UNC13C: variants seen among roughly 807,000 people sequenced by gnomAD.
The protein encoded by UNC13C is protein unc-13 homolog C.
In UNC13C, 174 loss-of-function variants were observed where a neutral mutation model predicts 245.4. That is an observed-to-expected ratio of 0.71 (90% CI 0.63 to 0.80). The LOEUF (loss-of-function observed/expected upper bound fraction) is 0.80, where lower values mean the gene tolerates loss of function less well. Ranked by LOEUF, UNC13C falls within the 30% of genes least tolerant of loss-of-function variation. UNC13C has a pLI of 0.00. For missense variants in UNC13C, 2,829 were observed against 2,602.9 expected (o/e 1.09, Z -1.89); for synonymous variants, 992 against 895.1 (o/e 1.11, Z -1.93).
At chr15:54,446,415 C>T (rs888901599) in intron 19 of UNC13C, among the ~76,000 whole-genome samples, 2 of 152,162 alleles carry the variant, frequency 1.3e-5, no homozygotes, top group African/African-American at 4.8e-5. Flanking sequence ...ATTGATTCTT[C>T]CTATCCATGA....
intron 30 of UNC13C, among the ~76,000 whole-genome samples, chr15:54,613,042 A>G (rs2414330): frequency 0.056 from 8,456 of 151,992 alleles, 803 homozygotes; most frequent in African/African-American, 0.19. Context: ...TTGTCTCTCA[A>G]GAACAAGAGA....
chr15:54,579,027 C>G (rs1898085989), intron 30 of UNC13C, among the ~76,000 whole-genome samples: 2 of 152,068 alleles, frequency 1.3e-5, no homozygotes, highest in South Asian at 4.1e-4. Flanking sequence ...GTTCCAGCCT[C>G]CAGTAAAAAT....
the UNC13C span, among the ~76,000 whole-genome samples, chr15:53,951,294 A>G: frequency 3.9e-5 from 6 of 152,176 alleles, no homozygotes; most frequent in African/African-American, 1.4e-4. Context: ...AACTTGACTC[A>G]TTTCAACATT....
intron 2 of UNC13C, among the ~76,000 whole-genome samples, chr15:54,081,143 TA>T: frequency 6.6e-6 from 1 of 152,258 alleles, no homozygotes; most frequent in South Asian, 2.1e-4. Flanking sequence ...TATTAATTTT[TA>T]AATTTTGTTT....
chr15:53,994,903 T>A (rs549228456), intron 1 of UNC13C, among the ~76,000 whole-genome samples: 1 of 152,018 alleles, frequency 6.6e-6, no homozygotes, highest in South Asian at 2.1e-4. Flanking sequence ...GCTCTGGGAA[T>A]GGAAAAGAGG....
Position 54,627,393 on chromosome 15 carries a change from A to ATAAT in UNC13C, c.*282_*285dup, listed in dbSNP as rs1901252473. 4.1e-6 allele frequency: 1 copy of ATAAT among 243,622 alleles called. No individual in the cohort carries two copies. Among genetic ancestry groups the ATAAT allele is most frequent in the Non-Finnish European group, 7.9e-6 (1 of 125,998 alleles). The allele number at this position is 243,622 out of a possible 1,614,324, so 15.1% of individuals were successfully genotyped here. Reference sequence around the variant, plus strand: ...TTTACCCATTTCACATTCATTAAACATAATTTTTAAAAACTAGTCTTTTGA... The same window carrying ATAAT: ...TTTACCCATTTCACATTCATTAAACATAATTAATTTTTAAAAACTAGTCTTTTGA... On this transcript the variant is annotated 3_prime_UTR_variant, in exon 33 of 33. Coordinates refer to ENST00000260323, the MANE Select transcript of UNC13C (RefSeq NM_001080534.3).
At chr15:54,524,799 T>C (rs935083817) in intron 24 of UNC13C, among the ~76,000 whole-genome samples, 3 of 152,206 alleles carry the variant, frequency 2.0e-5, no homozygotes, top group Admixed American at 2.0e-4. Flanking sequence ...CAATAGTAGA[T>C]CAGCTTGGGC....
At chr15:54,317,433 G>A (rs532650006) in intron 13 of UNC13C, among the ~76,000 whole-genome samples, 1 of 151,748 alleles carries the variant, frequency 6.6e-6, no homozygotes, top group East Asian at 2.0e-4. Context: ...AGTTTCTTAG[G>A]GTATTTTTAT....
chr15:54,417,160 C>T (rs995232061), intron 19 of UNC13C: 8 of 350,758 alleles, frequency 2.3e-5, no homozygotes, highest in Non-Finnish European at 4.5e-5. Context: ...ATGACTTTTA[C>T]CAACATATCT....
intron 11 of UNC13C, among the ~76,000 whole-genome samples, chr15:54,296,497 C>T (rs1322642998): frequency 1.3e-5 from 2 of 151,634 alleles, no homozygotes; most frequent in East Asian, 3.9e-4. Context: ...GGATTACAGG[C>T]GTGAGCCATC....
chr15:54,043,172 G>A (rs1003733820), intron 2 of UNC13C, among the ~76,000 whole-genome samples: 1 of 151,982 alleles, frequency 6.6e-6, no homozygotes, highest in African/African-American at 2.4e-5. Context: ...TTCACAAAGT[G>A]GCTAAAATAA....
At chr15:54,118,903 T>G (rs951423827) in intron 2 of UNC13C, among the ~76,000 whole-genome samples, 5 of 128,318 alleles carry the variant, frequency 3.9e-5, no homozygotes, top group Admixed American at 1.5e-4. Flanking sequence ...GATCTTACGG[T>G]TTTTTTTTTT....
At position 54,331,627 on chromosome 15, in the gene UNC13C, A is replaced by G. The variant is rs75041405; in HGVS notation, c.4426-416A>G. On this transcript the variant is annotated intron_variant, in intron 14 of 32. Coordinates refer to ENST00000260323, the MANE Select transcript of UNC13C (RefSeq NM_001080534.3). ...GTAGAAGTGTAAAAAACTGTAATAT[A>G]TTGTCTGGAGAAGGGGCATGAAGTA... Among the ~76,000 whole-genome samples, 964 of 152,190 alleles carry G rather than the reference A, an allele frequency of 6.3e-3. 14 individuals are homozygous for G. The highest frequency in any genetic ancestry group is 0.022 in the African/African-American group (932 of 41,552).
intron 19 of UNC13C, among the ~76,000 whole-genome samples, chr15:54,450,558 G>T (rs1016413489): frequency 6.6e-6 from 1 of 152,230 alleles, no homozygotes; most frequent in African/African-American, 2.4e-5. Flanking sequence ...ATGGGCTTGG[G>T]ACCCTCTGAG....
intron 21 of UNC13C, among the ~76,000 whole-genome samples, chr15:54,500,491 A>G (rs957443727): frequency 1.3e-5 from 2 of 152,112 alleles, no homozygotes. Context: ...TTTCTAGATT[A>G]GGAGCAGACA....
chr15:54,405,417 C>G (rs1342484607), intron 18 of UNC13C, among the ~76,000 whole-genome samples: 1 of 152,068 alleles, frequency 6.6e-6, no homozygotes, highest in African/African-American at 2.4e-5. Context: ...GGTATAGACT[C>G]CTTAGGTAGC....
chr15:54,231,189 G>C (rs1004369901), intron 4 of UNC13C, among the ~76,000 whole-genome samples: 1 of 152,032 alleles, frequency 6.6e-6, no homozygotes, highest in African/African-American at 2.4e-5. Context: ...ATATCCAAAT[G>C]ATGGCAACAT....
intron 2 of UNC13C, among the ~76,000 whole-genome samples, chr15:54,090,479 C>A (rs1273492600): frequency 6.6e-6 from 1 of 152,142 alleles, no homozygotes; most frequent in Non-Finnish European, 1.5e-5. Flanking sequence ...GACATATTAA[C>A]CCCAGCTTAC....
intron 4 of UNC13C, among the ~76,000 whole-genome samples, chr15:54,175,854 A>G (rs2033596922): frequency 6.6e-6 from 1 of 152,150 alleles, no homozygotes; most frequent in South Asian, 2.1e-4. Flanking sequence ...GCATATTTAT[A>G]AGCAGTGGTT....
Sources: gnomAD v4.1 joint callset for allele counts (sites outside exome capture counted in the v4.1 genomes callset) on GRCh38, gnomAD v4.1.1 for gene constraint, MANE v1.5 for transcripts, NCBI Gene and HGNC (gene_info 2026-07-23, HGNC 2026-07-21) for gene names.